Variants in GTF2I observed in about 807,000 individuals in gnomAD.
GTF2I encodes general transcription factor IIi, also known as general transcription factor II-I.
In GTF2I, 12 loss-of-function variants were observed where a neutral mutation model predicts 67.6. The ratio of observed to expected loss-of-function variants is 0.18; its 90% CI spans 0.11 to 0.29. GTF2I has a LOEUF of 0.29. Ranked by LOEUF, GTF2I falls within the 10% of genes least tolerant of loss-of-function variation. The pLI is 1.00. For synonymous variants in GTF2I, 149 were observed against 197.0 expected (o/e 0.76, Z 2.04); for missense variants, 271 against 580.1 (o/e 0.47, Z 5.47).
intron 1 of GTF2I, among the ~76,000 whole-genome samples, chr7:74,663,069 C>T (rs1804662982): frequency 6.6e-6 from 1 of 152,270 alleles, no homozygotes; most frequent in East Asian, 1.9e-4. Flanking sequence ...AACACTTAAC[C>T]TTTTCTGTTA....
rs181147000 is a variant in GTF2I at position 74,705,152 on chromosome 7, T to G, written c.587-12T>G. Reference sequence around the variant, plus strand: ...TGAAAAACTAACTCCAATTTTTTTTTTTTGTATGTAGGTGGTCGTGTGATG... The same window carrying G: ...TGAAAAACTAACTCCAATTTTTTTTGTTTGTATGTAGGTGGTCGTGTGATG... On this transcript the variant is annotated splice_polypyrimidine_tract_variant and intron_variant, in intron 6 of 34. Coordinates refer to ENST00000573035, the MANE Select transcript of GTF2I (RefSeq NM_032999.4). 2.0e-4 allele frequency: 323 copies of G among 1,581,082 alleles called. No individual in the cohort carries two copies. The highest frequency in any genetic ancestry group is 2.1e-4 in the Non-Finnish European group (237 of 1,152,264).
chr7:74,697,328 G>T (rs879962104), intron 3 of GTF2I, among the ~76,000 whole-genome samples: 4 of 152,056 alleles, frequency 2.6e-5, no homozygotes, highest in Non-Finnish European at 4.4e-5. Flanking sequence ...CTGGGAGGTG[G>T]AGATTGCAGT....
intron 1 of GTF2I, among the ~76,000 whole-genome samples, chr7:74,678,852 A>G (rs927703542): frequency 6.6e-6 from 1 of 151,562 alleles, no homozygotes; most frequent in Non-Finnish European, 1.5e-5. Flanking sequence ...GCTCACTGCA[A>G]CCTCCGCCTC....
intron 1 of GTF2I, among the ~76,000 whole-genome samples, chr7:74,661,682 A>AAAAAAT (rs143244236): frequency 0.86 from 129,501 of 150,614 alleles, 55,938 homozygotes; most frequent in East Asian, 0.97. Context: ...TGTGTCTCAA[A>AAAAAAT]AAAAATAAAA....
At chr7:74,683,933 C>T (rs1191402494) in intron 1 of GTF2I, among the ~76,000 whole-genome samples, 2 of 152,100 alleles carry the variant, frequency 1.3e-5, no homozygotes, top group African/African-American at 2.4e-5. Flanking sequence ...CCTCATTTTA[C>T]CTGGTTTAAT....
intron 3 of GTF2I, among the ~76,000 whole-genome samples, chr7:74,696,974 G>A (rs1206124442): frequency 1.3e-5 from 2 of 152,032 alleles, no homozygotes; most frequent in Non-Finnish European, 2.9e-5. Flanking sequence ...TATCATGTGA[G>A]TCTCTCACAT....
chr7:74,670,229 T>G (rs1397235892), intron 1 of GTF2I, among the ~76,000 whole-genome samples: 1 of 152,208 alleles, frequency 6.6e-6, no homozygotes, highest in Non-Finnish European at 1.5e-5. Flanking sequence ...CTTTGTAAGG[T>G]AAGTATGCAG....
At chr7:74,710,858 T>C (rs1339798758) in intron 8 of GTF2I, among the ~76,000 whole-genome samples, 174 bp from the exon 9 acceptor site, 3 of 152,218 alleles carry the variant, frequency 2.0e-5, no homozygotes, top group African/African-American at 7.2e-5. Context: ...GCTGGGATTA[T>C]AGTGATTTTT....
intron 10 of GTF2I, among the ~76,000 whole-genome samples, chr7:74,715,955 A>T (rs371526468): frequency 2.0e-5 from 3 of 152,236 alleles, no homozygotes; most frequent in East Asian, 1.9e-4. Flanking sequence ...CATTTATAAC[A>T]TATCTTACTT....
chr7:74,669,900 T>C, intron 1 of GTF2I, among the ~76,000 whole-genome samples: 1 of 152,210 alleles, frequency 6.6e-6, no homozygotes, highest in Non-Finnish European at 1.5e-5. Context: ...CAGGTGTTCA[T>C]GCACAAATGC....
chr7:74,727,126 A>G (rs1329654264), intron 12 of GTF2I: 2 of 152,206 alleles, frequency 1.3e-5, no homozygotes, highest in African/African-American at 4.8e-5. Context: ...CTAAGCACAT[A>G]CATAGGTCCT....
intron 3 of GTF2I, among the ~76,000 whole-genome samples, chr7:74,694,938 G>A (rs1344390114): frequency 6.6e-6 from 1 of 152,082 alleles, no homozygotes; most frequent in Non-Finnish European, 1.5e-5. Context: ...CTCTGCCTGT[G>A]CTCTATTGAT....
chr7:74,705,034 G>A (rs1417900731), intron 6 of GTF2I, 130 bp from the exon 7 acceptor site: 1 of 668,752 alleles, frequency 1.5e-6, no homozygotes. Flanking sequence ...ATGAAAAGCA[G>A]TGTTTATTCT....
At chr7:74,731,115 C>T (rs587755753) in intron 14 of GTF2I, among the ~76,000 whole-genome samples, 3 of 151,810 alleles carry the variant, frequency 2.0e-5, no homozygotes, top group East Asian at 1.9e-4. Context: ...CAAAGAAATT[C>T]GCAATTTGTT....
intron 1 of GTF2I, among the ~76,000 whole-genome samples, chr7:74,681,280 C>A (rs782690986): frequency 6.6e-6 from 1 of 151,920 alleles, no homozygotes; most frequent in South Asian, 2.1e-4. Flanking sequence ...AAAAAAAATA[C>A]AAAAATTAGC....
chr7:74,657,735 A>G lies in GTF2I; in HGVS notation c.-339A>G, dbSNP rs1431908110. The G allele has an allele frequency of 6.8e-6, 1 of 147,448 alleles. No individual in the cohort carries two copies. Among genetic ancestry groups the G allele is most frequent in the Non-Finnish European group, 1.5e-5 (1 of 66,898 alleles). The allele number at this position is 147,448 out of a possible 1,614,324, so 9.1% of individuals were successfully genotyped here. The stretch of plus-strand genomic sequence containing the variant: ...AGGAGGGTGAGAGAGAAGCTGGGAG[A>G]GCAGAGAAAAGGGGCCACCGGTCGC... On this transcript the variant is annotated 5_prime_UTR_variant, in exon 1 of 35. Coordinates refer to ENST00000573035, the MANE Select transcript of GTF2I (RefSeq NM_032999.4).
chr7:74,715,101 AT>A (rs766868294), intron 10 of GTF2I, among the ~76,000 whole-genome samples, 185 bp downstream of exon 10: 2 of 152,002 alleles, frequency 1.3e-5, no homozygotes, highest in Non-Finnish European at 2.9e-5. Flanking sequence ...TCAAAAATCA[AT>A]TTTCCCTTTT....
chr7:74,670,971 C>T lies in GTF2I; in HGVS notation c.-6+12903C>T, dbSNP rs1805397012. Reference sequence around the variant, plus strand: ...GTGGTGCAAGGAAAATAGGTCTTTCCGAATAGCTGGTAAGATTTTTCCTTG... The same window carrying T: ...GTGGTGCAAGGAAAATAGGTCTTTCTGAATAGCTGGTAAGATTTTTCCTTG... On this transcript the variant is annotated intron_variant, in intron 1 of 34. Coordinates refer to ENST00000573035, the MANE Select transcript of GTF2I (RefSeq NM_032999.4). 2.0e-5 allele frequency among the ~76,000 whole-genome samples: 3 copies of T among 151,744 alleles called. No homozygotes were observed. In the South Asian group the frequency reaches 6.2e-4, roughly 32 times the overall value.
chr7:74,721,376 G>A (rs868922249), intron 12 of GTF2I, among the ~76,000 whole-genome samples: 16 of 152,222 alleles, frequency 1.1e-4, no homozygotes, highest in Non-Finnish European at 1.3e-4. Flanking sequence ...TGTGCCATAA[G>A]CCTGATTTAA....
Sources: allele counts gnomAD v4.1 joint callset (sites outside exome capture counted in the v4.1 genomes callset), GRCh38; gene constraint gnomAD v4.1.1; transcripts MANE v1.5; gene names NCBI Gene and HGNC (gene_info 2026-07-23, HGNC 2026-07-21).